CFAP77: variants seen among roughly 807,000 people sequenced by gnomAD.
CFAP77 encodes cilia- and flagella-associated protein 77.
A neutral mutation model predicts 31.1 loss-of-function variants in CFAP77; 25 were observed. The observed-to-expected ratio is 0.80, with a 90% CI of 0.59 to 1.12. CFAP77 has a LOEUF of 1.12. CFAP77 is among the 50% of genes most tolerant of loss of function. The pLI is 0.00. For synonymous variants in CFAP77, 151 were observed against 159.9 expected (o/e 0.94, Z 0.42); for missense variants, 377 against 397.3 (o/e 0.95, Z 0.44).
rs541018119 is a variant in CFAP77 at position 132,564,488 on chromosome 9, G to A, written c.733-7900G>A. ...AAATCACGCTTATAAATAACTTAGC[G>A]ATCAAAGGAGAAATCCAAACAGAAA... On this transcript the variant is annotated intron_variant, in intron 5 of 5. Transcript: ENST00000393216. This position sits in a 1 kb window ranked among gnomAD's most constrained non-coding sequence, Gnocchi z 4.6. Among the ~76,000 whole-genome samples the A allele has an allele frequency of 2.3e-4, 35 of 152,290 alleles. No individual in the cohort carries two copies. The highest frequency in any genetic ancestry group is 5.0e-4 in the Non-Finnish European group (34 of 68,024).
At chr9:132,437,353 C>A (rs2131697763) in intron 1 of CFAP77, among the ~76,000 whole-genome samples, 1 of 152,190 alleles carries the variant, frequency 6.6e-6, no homozygotes, top group South Asian at 2.1e-4. Flanking sequence ...ACTCCAGGAA[C>A]AGAAAGACGG....
At chr9:132,472,105 TCCATC>T (rs1851270443) in intron 1 of CFAP77, among the ~76,000 whole-genome samples, 1 of 152,032 alleles carries the variant, frequency 6.6e-6, no homozygotes. Flanking sequence ...CCCCCATGAT[TCCATC>T]CCACCACCAC....
chr9:132,447,482 G>A (rs1262336174), intron 1 of CFAP77, among the ~76,000 whole-genome samples: 1 of 152,336 alleles, frequency 6.6e-6, no homozygotes, highest in Non-Finnish European at 1.5e-5. Context: ...GCTGCCTGGG[G>A]TCTTGTCTTC....
At chr9:132,470,614 T>C (rs184876248) in intron 1 of CFAP77, among the ~76,000 whole-genome samples, 84 of 152,362 alleles carry the variant, frequency 5.5e-4, no homozygotes, top group Non-Finnish European at 9.3e-4. Context: ...GTGCGTCCAA[T>C]GCTTGGAATA....
intron 1 of CFAP77, among the ~76,000 whole-genome samples, chr9:132,458,357 G>GGGGGGTGTGGGGT (rs139008147): frequency 1.7e-5 from 2 of 119,044 alleles, no homozygotes; most frequent in Non-Finnish European, 3.5e-5. Context: ...GAGGGGGGGG[G>GGGGGGTGTGGGGT]GTGTGTATGG....
At position 132,428,596 on chromosome 9, in the gene CFAP77, C is replaced by T. The variant is rs565894372; in HGVS notation, c.195+18130C>T. Among the ~76,000 whole-genome samples, 68 of 152,244 alleles carry T rather than the reference C, an allele frequency of 4.5e-4. 1 individual carries two copies. Among genetic ancestry groups the T allele is most frequent in the African/African-American group, 1.5e-3 (63 of 41,564 alleles). On this transcript the variant is annotated intron_variant, in intron 1 of 5. Coordinates refer to ENST00000393216, the MANE Select transcript of CFAP77 (RefSeq NM_001282957.2). Reference sequence around the variant, plus strand: ...CACCATTGCACTCCAGCCTGAGCGACAGAGCGAGACTCTGTCTCAAAAAAC... The same window carrying T: ...CACCATTGCACTCCAGCCTGAGCGATAGAGCGAGACTCTGTCTCAAAAAAC...
At chr9:132,438,543 T>TTTTTC (rs1850556060) in intron 1 of CFAP77, among the ~76,000 whole-genome samples, 1 of 88,358 alleles carries the variant, frequency 1.1e-5, no homozygotes, top group Non-Finnish European at 2.2e-5. Context: ...ATATATATAT[T>TTTTTC]TTTTTTTTTT....
chr9:132,521,620 A>T (rs568660457), intron 3 of CFAP77, among the ~76,000 whole-genome samples: 15 of 152,044 alleles, frequency 9.9e-5, no homozygotes, highest in East Asian at 5.8e-4. Flanking sequence ...GGCGAAGGAG[A>T]GGAGTCCAGG....
At chr9:132,543,230 T>C (rs1428331405) in intron 5 of CFAP77, among the ~76,000 whole-genome samples, 183 bp downstream of exon 5, 1 of 152,254 alleles carries the variant, frequency 6.6e-6, no homozygotes, top group Admixed American at 6.5e-5. Context: ...AGCTGAGCCT[T>C]TGTGACTTTT....
chr9:132,411,465 C>T (rs1021911022), intron 1 of CFAP77, among the ~76,000 whole-genome samples: 1 of 152,200 alleles, frequency 6.6e-6, no homozygotes, highest in Non-Finnish European at 1.5e-5. Flanking sequence ...TTGACTCCCT[C>T]CTCTTGCCTT....
intron 1 of CFAP77, among the ~76,000 whole-genome samples, chr9:132,473,312 C>T (rs1030938527): frequency 5.9e-5 from 9 of 152,156 alleles, no homozygotes; most frequent in Non-Finnish European, 1.3e-4. Flanking sequence ...GCAAAGTGGG[C>T]ACTGTGGTAT....
Position 132,444,614 on chromosome 9 carries a change from C to G in CFAP77, c.195+34148C>G, listed in dbSNP as rs559007054. ...TTCCGGCAGGGTGGCTGGGTCTTGGCTGTGGTCTCCCGAAATCGTGCAGTG... is the reference window on the plus strand; with the variant it reads ...TTCCGGCAGGGTGGCTGGGTCTTGGGTGTGGTCTCCCGAAATCGTGCAGTG... On this transcript the variant is annotated intron_variant, in intron 1 of 5. Coordinates refer to ENST00000393216, the MANE Select transcript of CFAP77 (RefSeq NM_001282957.2). Among the ~76,000 whole-genome samples, 10 of 152,288 alleles carry G rather than the reference C, an allele frequency of 6.6e-5. No homozygotes were observed. The South Asian group carries it at 1.0e-3, about 16-fold the overall frequency.
At chr9:132,561,059 C>T (rs1255161794) in intron 5 of CFAP77, among the ~76,000 whole-genome samples, 5 of 152,136 alleles carry the variant, frequency 3.3e-5, no homozygotes, top group Admixed American at 2.0e-4. Flanking sequence ...ATTACTTAAA[C>T]GACAACCTGC....
intron 5 of CFAP77, among the ~76,000 whole-genome samples, chr9:132,547,115 C>T (rs900040654): frequency 1.6e-4 from 25 of 152,344 alleles, no homozygotes; most frequent in African/African-American, 5.5e-4. Flanking sequence ...CCTCTGTGCC[C>T]TGTGGGGGAT....
intron 1 of CFAP77, among the ~76,000 whole-genome samples, chr9:132,459,854 GTGTGTGAGTGTGTGTA>G (rs1299590292): frequency 4.0e-5 from 6 of 151,140 alleles, no homozygotes; most frequent in Admixed American, 1.3e-4. Flanking sequence ...TTGTGAGTCT[GTGTGTGAGTGTGTGTA>G]TGTGTGAGTG....
intron 1 of CFAP77, among the ~76,000 whole-genome samples, chr9:132,486,618 G>A (rs1218742225): frequency 1.3e-5 from 2 of 152,200 alleles, no homozygotes; most frequent in East Asian, 3.9e-4. Flanking sequence ...TTCGCCTTTT[G>A]TCAAAACGCT....
chr9:132,459,810 T>C (rs541091214), intron 1 of CFAP77, among the ~76,000 whole-genome samples: 1 of 150,484 alleles, frequency 6.6e-6, no homozygotes, highest in East Asian at 2.0e-4. Flanking sequence ...GATGTGTGTA[T>C]GTGTGTGTAT....
At chr9:132,462,438 G>A (rs1036750707) in intron 1 of CFAP77, among the ~76,000 whole-genome samples, 7 of 152,052 alleles carry the variant, frequency 4.6e-5, no homozygotes, top group African/African-American at 1.7e-4. Context: ...GCTGTGACTC[G>A]TTCCATTACA....
At chr9:132,544,441 C>T (rs914463026) in intron 5 of CFAP77, among the ~76,000 whole-genome samples, 7 of 152,040 alleles carry the variant, frequency 4.6e-5, no homozygotes, top group Non-Finnish European at 8.8e-5. Flanking sequence ...CAGCAGATTC[C>T]GTCCACAGCC....
Sources: gnomAD v4.1 joint callset for allele counts (sites outside exome capture counted in the v4.1 genomes callset) on GRCh38, gnomAD v4.1.1 for gene constraint, Gnocchi (gnomAD v3.1) non-coding constraint, MANE v1.5 for transcripts, NCBI Gene and HGNC (gene_info 2026-07-23, HGNC 2026-07-21) for gene names.